Variants in RPS6KA6 observed in about 807,000 individuals in gnomAD.
RPS6KA6 encodes the protein ribosomal protein S6 kinase alpha-6.
Under a neutral mutation model 65.4 loss-of-function variants are expected in RPS6KA6, and 27 were observed. The observed-to-expected ratio is 0.41, with a 90% CI of 0.30 to 0.57. The LOEUF (loss-of-function observed/expected upper bound fraction) is 0.57. Ranked by LOEUF, RPS6KA6 falls within the 20% of genes least tolerant of loss-of-function variation. RPS6KA6 has a pLI of 0.24. For synonymous variants in RPS6KA6, 190 were observed against 184.2 expected (o/e 1.03, Z -0.26); for missense variants, 486 against 555.6 (o/e 0.87, Z 1.26).
chrX:84,140,141 G>A (rs777074972), intron 6 of RPS6KA6, among the ~76,000 whole-genome samples: 8 of 111,548 alleles, frequency 7.2e-5, no homozygotes, highest in Non-Finnish European at 1.5e-4. Flanking sequence ...CGAAGGGTTA[G>A]AGGAACCAGT....
Position 84,188,003 on chromosome X carries a change from CCGCCGCG to C in RPS6KA6, c.-111_-105del. 1.7e-6 allele frequency: 1 copy of C among 601,154 alleles called. No individual in the cohort carries two copies. 49.5% of individuals were successfully genotyped at this position (601,154 alleles called of 1,213,427 possible). ...GCCGCCGCCGCCGCCGCCGCCGCCG[CCGCCGCG>C]ACCCCCAGCCCCGCCTTCAGCGAGC... On this transcript the variant is annotated 5_prime_UTR_variant, in exon 1 of 22. Coordinates refer to ENST00000262752, the MANE Select transcript of RPS6KA6 (RefSeq NM_014496.5).
At chrX:84,141,819 A>G (rs1268597366) in intron 6 of RPS6KA6, among the ~76,000 whole-genome samples, 1 of 111,747 alleles carries the variant, frequency 8.9e-6, no homozygotes, top group Non-Finnish European at 1.9e-5. Context: ...ATTCATCAAG[A>G]GGGAATAATA....
At chrX:84,151,980 C>A (rs184697581) in intron 3 of RPS6KA6, among the ~76,000 whole-genome samples, 1 of 111,046 alleles carries the variant, frequency 9.0e-6, no homozygotes, top group Non-Finnish European at 1.9e-5. Context: ...ACCACTCTTA[C>A]AAAACATAGC....
At chrX:84,188,439 G>A (rs1206279481), upstream of RPS6KA6, among the ~76,000 whole-genome samples, 2 of 110,842 alleles carry the variant, frequency 1.8e-5, no homozygotes, top group East Asian at 2.9e-4. Context: ...GTGCTGGGCT[G>A]GGGAGGCGAC....
At position 84,117,254 on chromosome X, in the gene RPS6KA6, G is replaced by A. The variant is rs2034585926; in HGVS notation, c.861-106C>T. 14 of 652,625 alleles carry A rather than the reference G, an allele frequency of 2.1e-5. No homozygotes were observed. In the East Asian group the frequency reaches 5.0e-4, roughly 23 times the overall value. 53.8% of individuals were successfully genotyped at this position (652,625 alleles called of 1,213,427 possible). A position where few individuals can be genotyped will look rare whatever the true frequency, so the allele number is the denominator to read the frequency against. ...AGTGCTTTTACAAGGGTACAGTCCT[G>A]TATATGGTAGAAGGGAACAAGACAG... On this transcript the variant is annotated intron_variant, in intron 10 of 21. Coordinates refer to ENST00000262752, the MANE Select transcript of RPS6KA6 (RefSeq NM_014496.5).
intron 6 of RPS6KA6, among the ~76,000 whole-genome samples, chrX:84,137,122 A>G (rs1602446568): frequency 1.8e-5 from 2 of 111,883 alleles, no homozygotes; most frequent in Admixed American, 1.9e-4. Flanking sequence ...AGCACTTTTA[A>G]TATTTTGTCA....
intron 6 of RPS6KA6, among the ~76,000 whole-genome samples, chrX:84,137,389 C>G (rs1454529312): frequency 9.0e-6 from 1 of 111,538 alleles, no homozygotes; most frequent in Non-Finnish European, 1.9e-5. Context: ...TCCATTTTTT[C>G]TCTATTTGAA....
At chrX:84,075,549 C>T (rs766183322) in intron 20 of RPS6KA6, among the ~76,000 whole-genome samples, 2 of 110,466 alleles carry the variant, frequency 1.8e-5, no homozygotes, top group South Asian at 3.8e-4. Context: ...CAATAAAACC[C>T]AAGTACAAGA....
At chrX:84,086,019 A>G (rs190023216) in intron 20 of RPS6KA6, among the ~76,000 whole-genome samples, 1 of 111,201 alleles carries the variant, frequency 9.0e-6, no homozygotes, top group East Asian at 2.8e-4. Flanking sequence ...TATCCCCCTT[A>G]TAATTTCTGA....
chrX:84,063,717 A>C lies in RPS6KA6; in HGVS notation c.*560T>G, dbSNP rs1271708221. On this transcript the variant is annotated 3_prime_UTR_variant, in exon 22 of 22. Coordinates refer to ENST00000262752, the MANE Select transcript of RPS6KA6 (RefSeq NM_014496.5). Reference sequence around the variant, plus strand: ...ATATCAAGAATTCATATATTAGCACAAATGTATTTTGCTCTGGCACCAAAC... The same window carrying C: ...ATATCAAGAATTCATATATTAGCACCAATGTATTTTGCTCTGGCACCAAAC... 8.9e-6 allele frequency: 1 copy of C among 112,091 alleles called. No individual in the cohort carries two copies. Among genetic ancestry groups the C allele is most frequent in the Non-Finnish European group, 1.9e-5 (1 of 53,208 alleles). 9.2% of individuals were successfully genotyped at this position (112,091 alleles called of 1,213,427 possible).
At chrX:84,158,157 A>T (rs2035448055) in intron 2 of RPS6KA6, among the ~76,000 whole-genome samples, 1 of 110,701 alleles carries the variant, frequency 9.0e-6, no homozygotes, top group Non-Finnish European at 1.9e-5. Flanking sequence ...GAGCAGAAAG[A>T]CAAAGAAATC....
chrX:84,155,601 T>C (rs953007293), intron 3 of RPS6KA6, among the ~76,000 whole-genome samples: 2 of 112,111 alleles, frequency 1.8e-5, no homozygotes, highest in Non-Finnish European at 3.8e-5. Context: ...ACCCAGTAAC[T>C]ACCCTTGTTC....
intron 9 of RPS6KA6, among the ~76,000 whole-genome samples, 159 bp from the exon 10 acceptor site, chrX:84,117,613 A>C (rs1028117505): frequency 7.2e-5 from 8 of 111,004 alleles, no homozygotes; most frequent in Non-Finnish European, 1.1e-4. Flanking sequence ...CACTTAAAGA[A>C]ATATACTTCT....
chrX:84,072,315 T>C (rs1301808395), intron 20 of RPS6KA6, among the ~76,000 whole-genome samples: 1 of 111,919 alleles, frequency 8.9e-6, no homozygotes, highest in African/African-American at 3.2e-5. Flanking sequence ...ATATGATAAA[T>C]TTAAAATGCA....
intron 12 of RPS6KA6, among the ~76,000 whole-genome samples, chrX:84,114,884 A>T (rs1213338755): frequency 8.9e-6 from 1 of 111,867 alleles, no homozygotes. Flanking sequence ...AACACATGGT[A>T]TTGGGAAAAT....
chrX:84,175,340 T>C (rs949445253), intron 1 of RPS6KA6, among the ~76,000 whole-genome samples: 5 of 111,565 alleles, frequency 4.5e-5, no homozygotes, highest in Non-Finnish European at 7.5e-5. Context: ...CTCTGTACTT[T>C]AAATGATCTC....
rs772680917 is a variant in RPS6KA6, at chrX:84,103,950, A to G, written c.1614+549T>C. Reference sequence around the variant, plus strand: ...ATTACTCCCTACTTTGTTTTTTTATACAGTTATATATATTAAAAGTTCCCT... The same window carrying G: ...ATTACTCCCTACTTTGTTTTTTTATGCAGTTATATATATTAAAAGTTCCCT... On this transcript the variant is annotated intron_variant, in intron 17 of 21. Transcript: ENST00000262752. 3.8e-4 allele frequency among the ~76,000 whole-genome samples: 42 copies of G among 110,757 alleles called. 1 individual carries two copies. Among genetic ancestry groups the G allele is most frequent in the Non-Finnish European group, 7.6e-4 (40 of 52,606 alleles).
chrX:84,150,744 T>C (rs1198571424), intron 3 of RPS6KA6, among the ~76,000 whole-genome samples: 5 of 105,579 alleles, frequency 4.7e-5, no homozygotes, highest in Non-Finnish European at 7.7e-5. Flanking sequence ...AAGGAAAACA[T>C]TTGAAACACT....
intron 1 of RPS6KA6, 25 bp downstream of exon 1, chrX:84,187,794 A>G: frequency 8.4e-7 from 1 of 1,188,775 alleles, no homozygotes; most frequent in Non-Finnish European, 1.1e-6. Flanking sequence ...GGTTGGCTCC[A>G]GCCCGTCTTG....
Sources: gnomAD v4.1 joint callset for allele counts (sites outside exome capture counted in the v4.1 genomes callset) on GRCh38, gnomAD v4.1.1 for gene constraint, MANE v1.5 for transcripts, NCBI Gene and HGNC (gene_info 2026-07-23, HGNC 2026-07-21) for gene names.